The following C1QTNF4 variants were observed in gnomAD, a reference collection of about 807,000 sequenced individuals.
C1QTNF4 encodes the protein C1q and TNF related 4.
In C1QTNF4, 12 loss-of-function variants were observed where a neutral mutation model predicts 14.6. The ratio of observed to expected loss-of-function variants is 0.82; its 90% CI spans 0.53 to 1.33. The LOEUF (loss-of-function observed/expected upper bound fraction) is 1.33, where lower values mean the gene tolerates loss of function less well. Ranked by LOEUF, C1QTNF4 falls within the 40% of genes most tolerant of loss-of-function variation. C1QTNF4 has a pLI of 0.00. For missense variants in C1QTNF4, 558 were observed against 500.3 expected, an observed-to-expected ratio of 1.12 and a Z score of -1.10; for synonymous variants, 278 against 246.6, an observed-to-expected ratio of 1.13 and a Z score of -1.19.
rs746459029 is a variant in C1QTNF4, at chr11:47,590,156, C to T, written c.655G>A (p.Gly219Ser). ...NIGGDFDAAA[G>S]VFRCRLPGAY... is the part of the protein sequence containing the mutation. The stretch of plus-strand genomic sequence containing the variant: ...CCGGGCAGACGGCAGCGGAACACGC[C>T]GGCCGCCGCGTCGAAGTCGCCGCCA... Residue 219 changes from glycine to serine, a missense_variant, in exon 2 of 2, where the codon GGC (glycine) becomes AGC (serine). By Grantham distance (56) the Gly-to-Ser change is moderately conservative (BLOSUM62 0). Coordinates refer to ENST00000302514, the MANE Select transcript of C1QTNF4 (RefSeq NM_031909.3). 2 of 1,603,888 alleles carry T rather than the reference C, an allele frequency of 1.2e-6. No individual in the cohort carries two copies. Among genetic ancestry groups the T allele is most frequent in the East Asian group, 4.5e-5 (2 of 44,516 alleles).
chr11:47,589,756 C>T lies in C1QTNF4; in HGVS notation c.*65G>A. On this transcript the variant is annotated 3_prime_UTR_variant, in exon 2 of 2. Transcript: ENST00000302514. ...GGCCGTGGCGCTCGCGCGGGACTTT[C>T]GAGCCTCCGGCCCGGCCTGGCATGC... 7.1e-7 allele frequency: 1 copy of T among 1,403,016 alleles called. No individual in the cohort carries two copies. Among genetic ancestry groups the T allele is most frequent in the Non-Finnish European group, 9.4e-7 (1 of 1,069,360 alleles). 86.9% of individuals were successfully genotyped at this position (1,403,016 alleles called of 1,614,324 possible).
Position 47,589,950 on chromosome 11 carries a change from G to A in C1QTNF4, c.861C>T (p.Leu287=), listed in dbSNP as rs200189635. The A allele has an allele frequency of 1.9e-6, 3 of 1,610,240 alleles. No homozygotes were observed. The highest frequency in any genetic ancestry group is 2.5e-6 in the Non-Finnish European group (3 of 1,178,130). The change falls in exon 2 of 2, where the codon CTC becomes CTT. Residue 287 remains leucine (L), a synonymous_variant. Transcript: ENST00000302514. ...ALRRGDAVWL[L]SHDHDGYGAY... Reference sequence around the variant, plus strand: ...CGCCGTAGCCGTCGTGGTCGTGGCTGAGCAGCCAGACGGCGTCGCCGCGCC... The same window carrying A: ...CGCCGTAGCCGTCGTGGTCGTGGCTAAGCAGCCAGACGGCGTCGCCGCGCC...
At chr11:47,591,262 T>C (rs1287233777) in intron 1 of C1QTNF4, among the ~76,000 whole-genome samples, 1 of 152,092 alleles carries the variant, frequency 6.6e-6, no homozygotes, top group Non-Finnish European at 1.5e-5. Context: ...GTATCTTTAG[T>C]AGAGACGGGG....
In C1QTNF4 at chr11:47,589,675, C is replaced by T; in HGVS notation, c.*146G>A. 2.6e-6 allele frequency: 2 copies of T among 763,292 alleles called. No individual in the cohort carries two copies. The highest frequency in any genetic ancestry group is 3.9e-6 in the Non-Finnish European group (2 of 516,190). 47.3% of individuals were successfully genotyped at this position (763,292 alleles called of 1,614,324 possible). A position where few individuals can be genotyped will look rare whatever the true frequency, so the allele number is the denominator to read the frequency against. On this transcript the variant is annotated 3_prime_UTR_variant, in exon 2 of 2. Transcript: ENST00000302514. ...AAGACAGCGCAGGGGCCTGGGCTGC[C>T]GGGCGCTGCGCGTGCCCGCTTTCCG... is the stretch of plus-strand genomic sequence containing the variant.
chr11:47,590,304 CG>C lies in C1QTNF4; in HGVS notation c.506del (p.Pro169ArgfsTer79). On this transcript the variant is annotated frameshift_variant, in exon 2 of 2. Transcript: ENST00000302514. LOFTEE classifies it high-confidence loss of function. The stretch of plus-strand genomic sequence containing the variant: ...CCGAGCGCGGCTCGGGGGGCGCGGG[CG>C]GCCCGCGCGCAGGCGCGTCAGCGTC... ...DADADAPARG[P>X]PAPPEPRSAF... is the part of the protein sequence containing the mutation. 5 of 1,169,166 alleles carry C rather than the reference CG, an allele frequency of 4.3e-6. No homozygotes were observed. Among genetic ancestry groups the C allele is most frequent in the Non-Finnish European group, 5.3e-6 (5 of 946,324 alleles). The allele number at this position is 1,169,166 out of a possible 1,614,324, so 72.4% of individuals were successfully genotyped here. A position where few individuals can be genotyped will look rare whatever the true frequency, so the allele number is the denominator to read the frequency against.
At chr11:47,590,861 GCTTCCAAACGC>G in intron 1 of C1QTNF4, 46 bp from the exon 2 acceptor site, 1 of 1,434,320 alleles carries the variant, frequency 7.0e-7, no homozygotes. Flanking sequence ...GGCAGGGGCG[GCTTCCAAACGC>G]CCGGCTCTCC....
chr11:47,590,280 CGAGCGCGGCTCGGG>C lies in C1QTNF4; in HGVS notation c.517_530del (p.Pro173GlyfsTer64). 1 of 1,230,710 alleles carries C rather than the reference CGAGCGCGGCTCGGG, an allele frequency of 8.1e-7. No homozygotes were observed. Among genetic ancestry groups the C allele is most frequent in the Non-Finnish European group, 1.0e-6 (1 of 982,470 alleles). The allele number at this position is 1,230,710 out of a possible 1,614,324, so 76.2% of individuals were successfully genotyped here. A position where few individuals can be genotyped will look rare whatever the true frequency, so the allele number is the denominator to read the frequency against. ...TGCGCGTGCGCGCCGCCGAGAAGGCCGAGCGCGGCTCGGGGGGCGCGGGCGGCCCGCGCGCAGGC... is the reference window on the plus strand; with the variant it reads ...TGCGCGTGCGCGCCGCCGAGAAGGCCGGGCGCGGGCGGCCCGCGCGCAGGC... On this transcript the variant is annotated frameshift_variant, in exon 2 of 2. Transcript: ENST00000302514. LOFTEE classifies it high-confidence loss of function.
Position 47,590,346 on chromosome 11 carries a change from T to C in C1QTNF4, c.465A>G (p.Leu155=). ...GAPGATFSGY[L]VYADADADAP... ...CGTCAGCGTCGGCGTCGGCGTAGACTAGGTAGCCGCTGAAGGTGGCGCCGG... is the reference window on the plus strand; with the variant it reads ...CGTCAGCGTCGGCGTCGGCGTAGACCAGGTAGCCGCTGAAGGTGGCGCCGG... The change falls in exon 2 of 2, where the codon CTA becomes CTG. Residue 155 remains leucine, a synonymous_variant. Coordinates refer to ENST00000302514, the MANE Select transcript of C1QTNF4 (RefSeq NM_031909.3). 1 of 1,358,476 alleles carries C rather than the reference T, an allele frequency of 7.4e-7. No homozygotes were observed. Among genetic ancestry groups the C allele is most frequent in the East Asian group, 3.2e-5 (1 of 31,046 alleles). 84.2% of individuals were successfully genotyped at this position (1,358,476 alleles called of 1,614,324 possible).
At chr11:47,591,303 C>T (rs1022812776) in intron 1 of C1QTNF4, among the ~76,000 whole-genome samples, 2 of 151,904 alleles carry the variant, frequency 1.3e-5, no homozygotes, top group Admixed American at 6.6e-5. Context: ...TGGTCTTGAA[C>T]TGACCTCAAG....
At chr11:47,595,199 C>T (rs1283584768), upstream of C1QTNF4, among the ~76,000 whole-genome samples, 1 of 152,218 alleles carries the variant, frequency 6.6e-6, no homozygotes, top group Non-Finnish European at 1.5e-5. Context: ...CTCTGGGCTT[C>T]GAGCCCGTGG....
Position 47,590,206 on chromosome 11 carries a change from G to A in C1QTNF4, c.605C>T (p.Ala202Val), listed in dbSNP as rs1182482101. 2 of 1,579,878 alleles carry A rather than the reference G, an allele frequency of 1.3e-6. No individual in the cohort carries two copies. Among genetic ancestry groups the A allele is most frequent in the South Asian group, 1.1e-5 (1 of 87,544 alleles). The change falls in exon 2 of 2, where the codon GCC (alanine) becomes GTC (valine). Residue 202 changes from alanine to valine, a missense_variant. Ala to Val is a moderately conservative substitution (Grantham distance 64, BLOSUM62 0). Transcript: ENST00000302514. The stretch of plus-strand genomic sequence containing the variant: ...AATGTTGACGAACTCGGTGTCGAAG[G>A]CGAGTGGTTGGTGCCGCGGCCCGGG... ...AGPGPRHQPLAFDTEFVNIGG... is the reference protein window; with the variant it reads ...AGPGPRHQPLVFDTEFVNIGG...
Position 47,590,117 on chromosome 11 carries a change from A to G in C1QTNF4, c.694T>C (p.Ser232Pro). The change falls in exon 2 of 2, where the codon TCC becomes CCC. Residue 232 changes from serine (S) to proline (P), a missense_variant. By Grantham distance (74) the Ser-to-Pro change is moderately conservative. Coordinates refer to ENST00000302514, the MANE Select transcript of C1QTNF4 (RefSeq NM_031909.3). ...RCRLPGAYFF[S>P]FTLGKLPRKT... ...CGCGGCAGCTTGCCCAGCGTGAAGG[A>G]GAAGAAGTAGGCGCCGGGCAGACGG... is the stretch of plus-strand genomic sequence containing the variant. The G allele has an allele frequency of 6.2e-7, 1 of 1,611,328 alleles. No individual in the cohort carries two copies. The highest frequency in any genetic ancestry group is 8.5e-7 in the Non-Finnish European group (1 of 1,179,020).
chr11:47,592,713 C>A (rs1481915465), intron 1 of C1QTNF4, among the ~76,000 whole-genome samples: 1 of 152,120 alleles, frequency 6.6e-6, no homozygotes, highest in South Asian at 2.1e-4. Context: ...TTAGAAAATG[C>A]CCTGTATGTG....
At chr11:47,592,703 T>C (rs1219376098) in intron 1 of C1QTNF4, among the ~76,000 whole-genome samples, 21 of 152,126 alleles carry the variant, frequency 1.4e-4, no homozygotes, top group African/African-American at 4.8e-4. Context: ...GTGGGCTGCT[T>C]TAGAAAATGC....
In C1QTNF4 at chr11:47,590,642, T is replaced by G. The variant is rs779933120; in HGVS notation, c.169A>C (p.Ile57Leu). ...GTGGCCACATCGAAGTCGCCCCCGA[T>G]GTTCACGTACACCTTGTCGAAGGTC... ...AVTFDKVYVN[I>L]GGDFDVATGQ... is the part of the protein sequence containing the mutation. Residue 57 changes from isoleucine (I) to leucine (L), a missense_variant, in exon 2 of 2, where the codon ATC (isoleucine) becomes CTC (leucine). Coordinates refer to ENST00000302514, the MANE Select transcript of C1QTNF4 (RefSeq NM_031909.3). The G allele has an allele frequency of 8.1e-6, 13 of 1,611,274 alleles. No individual in the cohort carries two copies. The South Asian group carries it at 9.9e-5, about 12-fold the overall frequency.
chr11:47,591,639 C>G (rs939642248), intron 1 of C1QTNF4, among the ~76,000 whole-genome samples: 9 of 152,120 alleles, frequency 5.9e-5, no homozygotes, highest in Non-Finnish European at 8.8e-5. Context: ...CCGCCTGCCT[C>G]GGCCTCCCAA....
Position 47,590,325 on chromosome 11 carries a change from A to G in C1QTNF4, c.486T>C (p.Ala162=), listed in dbSNP as rs1050541034. 3.9e-6 allele frequency: 5 copies of G among 1,269,970 alleles called. No homozygotes were observed. Among genetic ancestry groups the G allele is most frequent in the African/African-American group, 1.6e-5 (1 of 62,240 alleles). The allele number at this position is 1,269,970 out of a possible 1,614,324, so 78.7% of individuals were successfully genotyped here. The part of the protein sequence containing the change: ...SGYLVYADAD[A]DAPARGPPAP... Reference sequence around the variant, plus strand: ...CGGGCGGCCCGCGCGCAGGCGCGTCAGCGTCGGCGTCGGCGTAGACTAGGT... The same window carrying G: ...CGGGCGGCCCGCGCGCAGGCGCGTCGGCGTCGGCGTCGGCGTAGACTAGGT... Residue 162 remains alanine (A), a synonymous_variant, in exon 2 of 2, where the codon GCT becomes GCC. Coordinates refer to ENST00000302514, the MANE Select transcript of C1QTNF4 (RefSeq NM_031909.3).
At position 47,590,471 on chromosome 11, in the gene C1QTNF4, C is replaced by T. The variant is rs1299943984; in HGVS notation, c.340G>A (p.Ala114Thr). The change falls in exon 2 of 2, where the codon GCG (alanine) becomes ACG (threonine). Residue 114 changes from alanine to threonine, a missense_variant. By Grantham distance (58) the Ala-to-Thr change is moderately conservative. Transcript: ENST00000302514. ...LAFDEQRRPG[A>T]RRAASQSAML... The stretch of plus-strand genomic sequence containing the variant: ...GCGCTCTGGCTGGCTGCGCGCCGCG[C>T]GCCTGGCCGCCGCTGCTCGTCGAAG... 1.3e-6 allele frequency: 2 copies of T among 1,530,182 alleles called. No individual in the cohort carries two copies. Among genetic ancestry groups the T allele is most frequent in the Non-Finnish European group, 1.8e-6 (2 of 1,141,320 alleles). 94.8% of individuals were successfully genotyped at this position (1,530,182 alleles called of 1,614,324 possible).
chr11:47,592,354 G>A (rs559919932), intron 1 of C1QTNF4, among the ~76,000 whole-genome samples: 93 of 152,324 alleles, frequency 6.1e-4, no homozygotes, highest in African/African-American at 2.1e-3. Flanking sequence ...CTTCCTCCAT[G>A]TAAATGGGGA....
Sources: gnomAD v4.1 joint callset for allele counts (sites outside exome capture counted in the v4.1 genomes callset) on GRCh38, gnomAD v4.1.1 for gene constraint, MANE v1.5 for transcripts, NCBI Gene and HGNC (gene_info 2026-07-23, HGNC 2026-07-21) for gene names.